The following SORCS3 variants were observed in gnomAD, a reference collection of about 807,000 sequenced individuals.
SORCS3 encodes sortilin related VPS10 domain containing receptor 3, also known as VPS10 domain-containing receptor SorCS3.
A neutral mutation model predicts 146.3 loss-of-function variants in SORCS3; 57 were observed. The ratio of observed to expected loss-of-function variants is 0.39; its 90% CI spans 0.31 to 0.49. The LOEUF (loss-of-function observed/expected upper bound fraction) is 0.49. Ranked by LOEUF, SORCS3 falls within the 20% of genes least tolerant of loss-of-function variation. The pLI is 0.92. For missense variants in SORCS3, 1,341 were observed against 1,575.5 expected (o/e 0.85, Z 2.52); for synonymous variants, 653 against 618.5 (o/e 1.06, Z -0.83).
At chr10:105,162,251 A>G (rs1428653053) in intron 11 of SORCS3, among the ~76,000 whole-genome samples, 4 of 152,198 alleles carry the variant, frequency 2.6e-5, no homozygotes, top group Admixed American at 6.5e-5. Flanking sequence ...AAAAAGGGCA[A>G]TGGGCCCTCC....
In SORCS3 at chr10:104,859,553, C is replaced by A. The variant is rs866862884; in HGVS notation, c.695+16694C>A. Among the ~76,000 whole-genome samples the A allele has an allele frequency of 1.4e-3, 218 of 152,202 alleles. 1 individual carries two copies. Among genetic ancestry groups the A allele is most frequent in the African/African-American group, 4.9e-3 (203 of 41,510 alleles). On this transcript the variant is annotated intron_variant, in intron 2 of 26. Coordinates refer to ENST00000369701, the MANE Select transcript of SORCS3 (RefSeq NM_014978.3). ...ACACCAAAAGCAATGTCAACAAAAG[C>A]CAAAATTGACAAATGGGATCTAATT...
At chr10:105,034,722 G>A (rs1372498809) in intron 4 of SORCS3, among the ~76,000 whole-genome samples, 3 of 152,256 alleles carry the variant, frequency 2.0e-5, no homozygotes, top group African/African-American at 7.2e-5. Flanking sequence ...AGAAGGATAA[G>A]CCTGAAGAAT....
intron 1 of SORCS3, among the ~76,000 whole-genome samples, chr10:104,737,229 C>T (rs2016784746): frequency 1.3e-5 from 2 of 152,146 alleles, no homozygotes; most frequent in African/African-American, 2.4e-5. Flanking sequence ...AATAGTGCCG[C>T]AATAAACATA....
chr10:104,845,205 AT>A (rs1262093674), intron 2 of SORCS3, among the ~76,000 whole-genome samples: 1 of 150,838 alleles, frequency 6.6e-6, no homozygotes, highest in Non-Finnish European at 1.5e-5. Flanking sequence ...ACTTGGCTAC[AT>A]TTTTTTTTCT....
At position 105,264,843 on chromosome 10, in the gene SORCS3, C is replaced by G. The variant is rs1046726711; in HGVS notation, c.*1469C>G. On this transcript the variant is annotated 3_prime_UTR_variant, in exon 27 of 27. Transcript: ENST00000369701. The stretch of plus-strand genomic sequence containing the variant: ...TGTAAGCATTGTTTTTATTTTCAGG[C>G]TTAGCCTGAGCACACTTATTTTTGA... The G allele has an allele frequency of 1.3e-5, 2 of 152,548 alleles. No individual in the cohort carries two copies. Among genetic ancestry groups the G allele is most frequent in the Non-Finnish European group, 2.9e-5 (2 of 68,016 alleles). The allele number at this position is 152,548 out of a possible 1,614,324, so 9.4% of individuals were successfully genotyped here.
intron 1 of SORCS3, among the ~76,000 whole-genome samples, chr10:104,740,792 G>T (rs2016832015): frequency 6.6e-6 from 1 of 152,100 alleles, no homozygotes; most frequent in Non-Finnish European, 1.5e-5. Flanking sequence ...ATGTAGAAGG[G>T]GTGAGATTCT....
intron 1 of SORCS3, among the ~76,000 whole-genome samples, chr10:104,737,465 G>A (rs1268789177): frequency 6.6e-6 from 1 of 152,142 alleles, no homozygotes; most frequent in African/African-American, 2.4e-5. Flanking sequence ...TTTACTGATG[G>A]CCATTCTAAC....
At chr10:105,192,030 G>A (rs920777256) in intron 14 of SORCS3, among the ~76,000 whole-genome samples, 3 of 150,124 alleles carry the variant, frequency 2.0e-5, no homozygotes, top group African/African-American at 4.9e-5. Context: ...TAAAATGATG[G>A]TGATGAAAAC....
intron 9 of SORCS3, among the ~76,000 whole-genome samples, chr10:105,152,973 T>G (rs999636346): frequency 1.3e-5 from 2 of 152,190 alleles, no homozygotes; most frequent in African/African-American, 4.8e-5. Flanking sequence ...GTATAATTTA[T>G]GTATAGTAAA....
At chr10:105,153,314 T>C (rs1183344152) in intron 9 of SORCS3, among the ~76,000 whole-genome samples, 2 of 152,204 alleles carry the variant, frequency 1.3e-5, no homozygotes, top group Non-Finnish European at 2.9e-5. Flanking sequence ...CTGAGCAGCA[T>C]TCTGTTGTGT....
intron 2 of SORCS3, among the ~76,000 whole-genome samples, chr10:104,884,776 A>C (rs2018665383): frequency 6.6e-6 from 1 of 152,062 alleles, no homozygotes; most frequent in African/African-American, 2.4e-5. Context: ...ATAGATAGCT[A>C]TTTGGGTAGA....
chr10:105,100,262 A>G (rs1364856382), intron 6 of SORCS3, among the ~76,000 whole-genome samples: 1 of 152,218 alleles, frequency 6.6e-6, no homozygotes, highest in African/African-American at 2.4e-5. Flanking sequence ...TATTAGGAAG[A>G]CATTTTACAT....
intron 9 of SORCS3, among the ~76,000 whole-genome samples, chr10:105,152,266 A>T (rs577035370): frequency 6.6e-6 from 1 of 152,334 alleles, no homozygotes; most frequent in Admixed American, 6.5e-5. Flanking sequence ...TACATACATA[A>T]GGTGAGCTAC....
At chr10:104,787,209 G>A (rs1189700460) in intron 1 of SORCS3, among the ~76,000 whole-genome samples, 1 of 152,210 alleles carries the variant, frequency 6.6e-6, no homozygotes, top group African/African-American at 2.4e-5. Context: ...TGAGGCAGCT[G>A]GGGGTGGGAT....
At position 105,098,335 on chromosome 10, in the gene SORCS3, T is replaced by A. The variant is rs552103863; in HGVS notation, c.1094-7062T>A. On this transcript the variant is annotated intron_variant, in intron 6 of 26. Coordinates refer to ENST00000369701, the MANE Select transcript of SORCS3 (RefSeq NM_014978.3). The stretch of plus-strand genomic sequence containing the variant: ...ATAGGATTGTCTTTGATAGAAGGAT[T>A]CCATAATCAAAAAGTCAGAACATAT... Among the ~76,000 whole-genome samples the A allele has an allele frequency of 5.9e-5, 9 of 152,276 alleles. No individual in the cohort carries two copies. The South Asian group carries it at 1.9e-3, about 32-fold the overall frequency.
intron 14 of SORCS3, among the ~76,000 whole-genome samples, chr10:105,183,997 G>A (rs917082135): frequency 2.9e-4 from 44 of 152,154 alleles, no homozygotes; most frequent in African/African-American, 6.8e-4. Flanking sequence ...CTGAGCTCCC[G>A]TTTCCTCATG....
chr10:104,663,997 GAT>G (rs2015735685), intron 1 of SORCS3, among the ~76,000 whole-genome samples: 1 of 152,208 alleles, frequency 6.6e-6, no homozygotes, highest in South Asian at 2.1e-4. Flanking sequence ...AGAATGACAG[GAT>G]ATATGGGCAC....
At chr10:105,127,042 G>C (rs190964639) in intron 7 of SORCS3, among the ~76,000 whole-genome samples, 1 of 152,198 alleles carries the variant, frequency 6.6e-6, no homozygotes, top group Admixed American at 6.6e-5. Context: ...ACCAGTACTC[G>C]CTGATTGACA....
At chr10:104,740,822 T>A (rs1036971316) in intron 1 of SORCS3, among the ~76,000 whole-genome samples, 3 of 152,268 alleles carry the variant, frequency 2.0e-5, no homozygotes, top group Admixed American at 2.0e-4. Flanking sequence ...AGGGCTTAAT[T>A]TTCTTCTAGG....
Sources: allele counts gnomAD v4.1 joint callset (sites outside exome capture counted in the v4.1 genomes callset), GRCh38; gene constraint gnomAD v4.1.1; transcripts MANE v1.5; gene names NCBI Gene and HGNC (gene_info 2026-07-23, HGNC 2026-07-21).